The following WNK3 variants were observed in gnomAD, a reference collection of about 807,000 sequenced individuals.
WNK3 encodes the protein serine/threonine-protein kinase WNK3.
In WNK3, 18 loss-of-function variants were observed where a neutral mutation model predicts 116.7. The observed-to-expected ratio is 0.15, with a 90% confidence interval of 0.11 to 0.23. WNK3 has a LOEUF of 0.23. WNK3 is among the 10% of genes least tolerant of loss of function. The pLI, the probability that WNK3 is intolerant of heterozygous loss-of-function variation, is 1.00. For synonymous variants in WNK3, 404 were observed against 469.4 expected (o/e 0.86, Z 1.80); for missense variants, 993 against 1,323.8 (o/e 0.75, Z 3.88).
intron 10 of WNK3, among the ~76,000 whole-genome samples, chrX:54,285,514 TC>T (rs782464209): frequency 1.8e-5 from 2 of 112,759 alleles, no homozygotes; most frequent in South Asian, 7.2e-4. Context: ...ATATTCTCTA[TC>T]AGGTGGGCAA....
At chrX:54,243,067 C>G (rs1232004409) in intron 17 of WNK3, among the ~76,000 whole-genome samples, 5 of 110,278 alleles carry the variant, frequency 4.5e-5, no homozygotes, top group African/African-American at 1.6e-4. Flanking sequence ...ACTGCCTTGG[C>G]TTCCCTAAAT....
exon 13 of WNK3, chrX:54,253,962 A>G: frequency 8.4e-7 from 1 of 1,187,064 alleles, no homozygotes; most frequent in Non-Finnish European, 1.1e-6. Flanking sequence ...CACTTACCAT[A>G]TAGTCTGCAA....
chrX:54,229,568 A>C (rs2067879289), intron 21 of WNK3, among the ~76,000 whole-genome samples: 2 of 110,766 alleles, frequency 1.8e-5, no homozygotes, highest in Admixed American at 9.7e-5. Flanking sequence ...GTTTTGAAAA[A>C]AAACAAAGTT....
At chrX:54,358,354 G>GAGAAGAAGA (rs35843910), upstream of WNK3, among the ~76,000 whole-genome samples, 7 of 104,698 alleles carry the variant, frequency 6.7e-5, no homozygotes, top group African/African-American at 1.0e-4. Flanking sequence ...TCTCCCCTCA[G>GAGAAGAAGA]AGAAGAAGAA....
intron 21 of WNK3, among the ~76,000 whole-genome samples, chrX:54,232,402 A>G (rs1246588056): frequency 9.0e-6 from 1 of 111,259 alleles, no homozygotes; most frequent in Non-Finnish European, 1.9e-5. Flanking sequence ...TCAGCCTCCC[A>G]AAGTGTTGGG....
At position 54,232,111 on chromosome X, in the gene WNK3, G is replaced by GTATATA. The variant is rs1408295336; in HGVS notation, c.4840+697_4840+698insTATATA. 1.9e-3 allele frequency among the ~76,000 whole-genome samples: 181 copies of GTATATA among 95,557 alleles called. 1 individual carries two copies. The highest frequency in any genetic ancestry group is 8.4e-3 in the African/African-American group (180 of 21,513). 83.0% of individuals were successfully genotyped at this position (95,557 alleles called of 115,157 possible). A position where few individuals can be genotyped will look rare whatever the true frequency, so the allele number is the denominator to read the frequency against. On this transcript the variant is annotated intron_variant, in intron 21 of 23. Transcript: ENST00000354646. ...TCTGTGTATATGTGTGTGTGTGTGT[G>GTATATA]TGTATATATATATATATATATATAT...
At chrX:54,336,160 G>T (rs953498048) in intron 1 of WNK3, among the ~76,000 whole-genome samples, 7 of 110,942 alleles carry the variant, frequency 6.3e-5, no homozygotes, top group Non-Finnish European at 9.4e-5. Context: ...ATGGTGGCAG[G>T]TGCCTGTAGT....
chrX:54,204,263 C>T (rs1302092788), intron 22 of WNK3, among the ~76,000 whole-genome samples: 1 of 110,211 alleles, frequency 9.1e-6, no homozygotes, highest in Non-Finnish European at 1.9e-5. Context: ...GGAATCAAGG[C>T]GCACACCACC....
chrX:54,254,639 G>A (rs1557155080), intron 12 of WNK3, among the ~76,000 whole-genome samples: 1 of 111,336 alleles, frequency 9.0e-6, no homozygotes, highest in Non-Finnish European at 1.9e-5. Flanking sequence ...GACAAAAAGA[G>A]TAAAAGACAG....
At chrX:54,280,296 C>CA (rs201683615) in intron 10 of WNK3, among the ~76,000 whole-genome samples, 1,052 of 78,342 alleles carry the variant, frequency 0.013, 5 homozygotes, top group East Asian at 0.031. Context: ...GACTCTGTCT[C>CA]AAAAAAAAAA....
At chrX:54,210,663 G>C (rs944647064) in intron 22 of WNK3, among the ~76,000 whole-genome samples, 2 of 110,918 alleles carry the variant, frequency 1.8e-5, no homozygotes, top group South Asian at 7.6e-4. Flanking sequence ...GTCTGGTTTG[G>C]AACCCATCTA....
intron 1 of WNK3, among the ~76,000 whole-genome samples, chrX:54,344,672 C>T (rs2069383752): frequency 8.9e-6 from 1 of 112,372 alleles, no homozygotes. Flanking sequence ...CGCCTGGGCG[C>T]GGTGGCTCAC....
intron 22 of WNK3, among the ~76,000 whole-genome samples, chrX:54,224,504 G>A (rs1347382266): frequency 3.9e-5 from 4 of 102,846 alleles, no homozygotes; most frequent in Non-Finnish European, 8.0e-5. Flanking sequence ...GTGCAAGTGT[G>A]TTCCAAAATA....
At chrX:54,200,389 G>A (rs1333184990) in intron 23 of WNK3, among the ~76,000 whole-genome samples, 1 of 111,152 alleles carries the variant, frequency 9.0e-6, no homozygotes, top group Non-Finnish European at 1.9e-5. Context: ...GAGCATTAGT[G>A]AGATGGGCTT....
At chrX:54,227,016 G>T (rs2067851896) in intron 22 of WNK3, among the ~76,000 whole-genome samples, 1 of 111,405 alleles carries the variant, frequency 9.0e-6, no homozygotes, top group Admixed American at 9.6e-5. Context: ...CAAAAGAAAA[G>T]AAACAGATTA....
rs948593241 is a variant in WNK3, at chrX:54,218,686, T to C, written c.4870+10028A>G. Among the ~76,000 whole-genome samples the C allele has an allele frequency of 1.1e-4, 12 of 108,467 alleles. 1 individual carries two copies. The highest frequency in any genetic ancestry group is 8.9e-4 in the Admixed American group (9 of 10,118). The allele number at this position is 108,467 out of a possible 115,157, so 94.2% of individuals were successfully genotyped here. ...ATCACTTGAGGTCAGGAGTTCGAGA[T>C]CAGCCTGGCCAACATGGTGAAACCC... On this transcript the variant is annotated intron_variant, in intron 22 of 23. Transcript: ENST00000354646.
chrX:54,250,044 G>A, exon 16 of WNK3: 3 of 1,204,453 alleles, frequency 2.5e-6, no homozygotes, highest in Non-Finnish European at 3.4e-6. Flanking sequence ...CTGAAGAGAA[G>A]GAGGAGACTG....
chrX:54,206,332 G>A (rs1244488815), intron 22 of WNK3, among the ~76,000 whole-genome samples: 2 of 111,132 alleles, frequency 1.8e-5, no homozygotes, highest in Non-Finnish European at 3.8e-5. Flanking sequence ...CAGGGTTATG[G>A]TGAACTATGA....
chrX:54,351,311 CT>C (rs1239812121), intron 1 of WNK3, among the ~76,000 whole-genome samples: 38 of 104,841 alleles, frequency 3.6e-4, no homozygotes, highest in Middle Eastern at 5.0e-3. Context: ...ACAACCAACT[CT>C]TTTTTTTTTT....
Sources: allele counts gnomAD v4.1 joint callset (sites outside exome capture counted in the v4.1 genomes callset), GRCh38; gene constraint gnomAD v4.1.1; transcripts MANE v1.5; gene names NCBI Gene and HGNC (gene_info 2026-07-23, HGNC 2026-07-21).